The following FOXJ3 variants were observed in gnomAD, a reference collection of about 807,000 sequenced individuals.
The protein encoded by FOXJ3 is forkhead box protein J3.
A neutral mutation model predicts 76.1 loss-of-function variants in FOXJ3; 22 were observed. That is an observed-to-expected ratio of 0.29 (90% CI 0.21 to 0.41). The LOEUF (loss-of-function observed/expected upper bound fraction) is 0.41. Ranked by LOEUF, FOXJ3 falls within the 10% of genes least tolerant of loss-of-function variation. The probability of loss-of-function intolerance (pLI) is 1.00; values close to 1 mark genes in which losing one functional copy is unlikely to be tolerated. For missense variants in FOXJ3, 613 were observed against 762.1 expected (o/e 0.80, Z 2.30); for synonymous variants, 269 against 261.2 (o/e 1.03, Z -0.29).
At chr1:42,185,927 T>A (rs1646426386) in intron 11 of FOXJ3, among the ~76,000 whole-genome samples, 1 of 152,010 alleles carries the variant, frequency 6.6e-6, no homozygotes, top group Non-Finnish European at 1.5e-5. Flanking sequence ...CAGGAAAGGT[T>A]TAAGGAAATG....
chr1:42,297,593 T>C (rs1394425989), intron 2 of FOXJ3, among the ~76,000 whole-genome samples: 1 of 152,240 alleles, frequency 6.6e-6, no homozygotes, highest in African/African-American at 2.4e-5. Flanking sequence ...TTAAACATTC[T>C]TGCATCCCTG....
At chr1:42,295,171 C>A (rs1653702037) in intron 2 of FOXJ3, among the ~76,000 whole-genome samples, 1 of 152,080 alleles carries the variant, frequency 6.6e-6, no homozygotes, top group South Asian at 2.1e-4. Context: ...AAAGAGTGAA[C>A]ATTATACCCA....
intron 1 of FOXJ3, among the ~76,000 whole-genome samples, chr1:42,313,851 G>A (rs1337940637): frequency 2.0e-5 from 3 of 152,128 alleles, no homozygotes; most frequent in Non-Finnish European, 2.9e-5. Context: ...TGTTTTATGT[G>A]TGATTTACCT....
intron 4 of FOXJ3, among the ~76,000 whole-genome samples, chr1:42,229,646 T>A (rs896752598): frequency 6.6e-6 from 1 of 152,174 alleles, no homozygotes; most frequent in African/African-American, 2.4e-5. Flanking sequence ...CTACCAGATG[T>A]GGTAAGAACC....
intron 3 of FOXJ3, among the ~76,000 whole-genome samples, chr1:42,268,335 A>G (rs1461912333): frequency 6.6e-6 from 1 of 152,110 alleles, no homozygotes; most frequent in Non-Finnish European, 1.5e-5. Context: ...AAACCTGTGC[A>G]GTGAAAATAT....
intron 4 of FOXJ3, among the ~76,000 whole-genome samples, chr1:42,228,839 A>G (rs946414417): frequency 2.0e-5 from 3 of 152,136 alleles, no homozygotes; most frequent in Admixed American, 2.0e-4. Flanking sequence ...GAAGATATGC[A>G]TTTCAGAAAC....
intron 5 of FOXJ3, among the ~76,000 whole-genome samples, chr1:42,209,338 C>A (rs1022255964): frequency 6.6e-6 from 1 of 152,210 alleles, no homozygotes; most frequent in Non-Finnish European, 1.5e-5. Flanking sequence ...GATTAACATG[C>A]CCCTCCCACT....
At chr1:42,227,284 G>A (rs559566005) in intron 5 of FOXJ3, among the ~76,000 whole-genome samples, 17 of 152,314 alleles carry the variant, frequency 1.1e-4, no homozygotes, top group African/African-American at 4.1e-4. Flanking sequence ...AATGCAGAAA[G>A]GATAAGGAAA....
At chr1:42,324,103 T>TGTATA (rs1655622738) in intron 1 of FOXJ3, among the ~76,000 whole-genome samples, 12 of 88,320 alleles carry the variant, frequency 1.4e-4, no homozygotes, top group African/African-American at 5.3e-4. Flanking sequence ...ATATATACTG[T>TGTATA]GTATATACAC....
rs1646262597 is a variant in FOXJ3, at chr1:42,178,808, GT to G, written c.*901del. On this transcript the variant is annotated 3_prime_UTR_variant, in exon 13 of 13. Transcript: ENST00000361346. ...TCAAAAAAAGAAAAAAATAATAATA[GT>G]TCTGTGCTTTCAGACACATTTCTCC... is the stretch of plus-strand genomic sequence containing the variant. The G allele has an allele frequency of 6.6e-6, 1 of 152,594 alleles. No individual in the cohort carries two copies. Among genetic ancestry groups the G allele is most frequent in the African/African-American group, 2.4e-5 (1 of 41,436 alleles). 9.5% of individuals were successfully genotyped at this position (152,594 alleles called of 1,614,324 possible).
At position 42,176,738 on chromosome 1, in the gene FOXJ3, T is replaced by TCCAACA. The variant is rs1246589456; in HGVS notation, c.*2966_*2971dup. ...TGTAGAAACATTAAAACACTGACTG[T>TCCAACA]CCAACAGCAGTACAGAGAGCAGGTT... On this transcript the variant is annotated 3_prime_UTR_variant, in exon 13 of 13. Transcript: ENST00000361346. The TCCAACA allele has an allele frequency of 6.6e-6, 1 of 152,532 alleles. No homozygotes were observed. Among genetic ancestry groups the TCCAACA allele is most frequent in the African/African-American group, 2.4e-5 (1 of 41,398 alleles). The allele number at this position is 152,532 out of a possible 1,614,324, so 9.4% of individuals were successfully genotyped here. A position where few individuals can be genotyped will look rare whatever the true frequency, so the allele number is the denominator to read the frequency against.
intron 2 of FOXJ3, among the ~76,000 whole-genome samples, chr1:42,284,117 C>T (rs977213860): frequency 2.0e-5 from 3 of 152,054 alleles, no homozygotes; most frequent in Non-Finnish European, 4.4e-5. Flanking sequence ...ACGTATGTAA[C>T]GACTATAAAA....
chr1:42,220,184 A>AT (rs1647152559), intron 5 of FOXJ3, among the ~76,000 whole-genome samples: 2 of 152,166 alleles, frequency 1.3e-5, no homozygotes, highest in Admixed American at 6.6e-5. Flanking sequence ...CGTCACTTAT[A>AT]TTTTTTAACT....
intron 4 of FOXJ3, among the ~76,000 whole-genome samples, chr1:42,241,079 G>A (rs890561677): frequency 2.0e-5 from 3 of 152,172 alleles, no homozygotes; most frequent in Admixed American, 2.0e-4. Context: ...CTGGAATCTT[G>A]GAGAGGCTGC....
At chr1:42,250,251 G>A (rs756294617) in intron 4 of FOXJ3, among the ~76,000 whole-genome samples, 7 of 152,148 alleles carry the variant, frequency 4.6e-5, no homozygotes, top group South Asian at 2.1e-4. Context: ...TTTTGTTTTC[G>A]TATAAAAACC....
At chr1:42,278,058 GCTCA>G (rs1247578192) in intron 3 of FOXJ3, among the ~76,000 whole-genome samples, 1 of 151,662 alleles carries the variant, frequency 6.6e-6, no homozygotes, top group Non-Finnish European at 1.5e-5. Context: ...TTCACTTTAG[GCTCA>G]CTGTCAACTC....
rs1655925060 is a variant in FOXJ3 at position 42,327,799 on chromosome 1, A to G, written c.-18+7260T>C. ...CAATCTTATTTCCTTAGTAAACACT[A>G]TACCACTGAGGAGGACTCTAGGTAG... On this transcript the variant is annotated intron_variant, in intron 1 of 12. Coordinates refer to ENST00000361346, the MANE Select transcript of FOXJ3 (RefSeq NM_014947.5). Among the ~76,000 whole-genome samples, 9 of 152,352 alleles carry G rather than the reference A, an allele frequency of 5.9e-5. No homozygotes were observed. The South Asian group carries it at 1.9e-3, about 32-fold the overall frequency.
intron 4 of FOXJ3, among the ~76,000 whole-genome samples, chr1:42,263,266 A>G (rs1651201194): frequency 6.6e-6 from 1 of 152,242 alleles, no homozygotes; most frequent in Non-Finnish European, 1.5e-5. Context: ...AGTACATGAT[A>G]GAATTAAGCA....
At chr1:42,326,579 T>C (rs902723554) in intron 1 of FOXJ3, among the ~76,000 whole-genome samples, 5 of 152,192 alleles carry the variant, frequency 3.3e-5, no homozygotes, top group Admixed American at 1.3e-4. Context: ...CTAAATTTTA[T>C]AGATGTATAC....
Sources: gnomAD v4.1 joint callset for allele counts (sites outside exome capture counted in the v4.1 genomes callset) on GRCh38, gnomAD v4.1.1 for gene constraint, MANE v1.5 for transcripts, NCBI Gene and HGNC (gene_info 2026-07-23, HGNC 2026-07-21) for gene names.